Variants in CNTN1 observed in about 807,000 individuals in gnomAD.
The protein encoded by CNTN1 is contactin 1.
CNTN1 carries 38 observed loss-of-function variants against 126.4 expected under a neutral mutation model. The observed-to-expected ratio is 0.30, with a 90% CI of 0.23 to 0.39. The LOEUF is 0.39. Among genes scored for constraint, CNTN1 ranks in the 10% least tolerant of loss-of-function variants. The pLI is 1.00. For synonymous variants in CNTN1, 413 were observed against 422.6 expected (o/e 0.98, Z 0.28); for missense variants, 1,009 against 1,248.4 (o/e 0.81, Z 2.89).
intron 6 of CNTN1, among the ~76,000 whole-genome samples, chr12:40,929,310 C>A (rs1945799687): frequency 6.6e-6 from 1 of 150,784 alleles, no homozygotes; most frequent in Non-Finnish European, 1.5e-5. Context: ...GTTATGTAAG[C>A]TCATTTCTAA....
chr12:40,914,484 C>T (rs566117164), intron 3 of CNTN1, among the ~76,000 whole-genome samples: 43 of 152,016 alleles, frequency 2.8e-4, no homozygotes, highest in Admixed American at 5.9e-4. Flanking sequence ...ATTTCTAAAC[C>T]GTCAAACAAA....
intron 1 of CNTN1, among the ~76,000 whole-genome samples, chr12:40,904,394 CTTCT>C (rs200252822): frequency 2.7e-5 from 4 of 148,362 alleles, no homozygotes; most frequent in African/African-American, 9.9e-5. Flanking sequence ...TCCTTCCTTC[CTTCT>C]TCCCTCCCTC....
At chr12:40,786,436 C>T (rs1378633324) in intron 1 of CNTN1, among the ~76,000 whole-genome samples, 1 of 152,126 alleles carries the variant, frequency 6.6e-6, no homozygotes, top group Non-Finnish European at 1.5e-5. Flanking sequence ...TGTCACAGGG[C>T]TTTACTTCAT....
chr12:40,809,472 C>T (rs73116746), intron 1 of CNTN1, among the ~76,000 whole-genome samples: 3,467 of 152,132 alleles, frequency 0.023, 127 homozygotes, highest in African/African-American at 0.078. Flanking sequence ...TTAAATGAAT[C>T]AACAAATTTT....
At chr12:40,798,520 G>T (rs1304368322) in intron 1 of CNTN1, among the ~76,000 whole-genome samples, 1 of 151,774 alleles carries the variant, frequency 6.6e-6, no homozygotes, top group Non-Finnish European at 1.5e-5. Context: ...GATTACGAAG[G>T]CCCAAGGTAT....
chr12:40,808,364 G>A (rs1000128720), intron 1 of CNTN1, among the ~76,000 whole-genome samples: 1 of 152,010 alleles, frequency 6.6e-6, no homozygotes, highest in Admixed American at 6.6e-5. Flanking sequence ...GCTGATTTTG[G>A]TCATATAAAT....
At chr12:41,019,448 G>T (rs1041866885) in intron 19 of CNTN1, among the ~76,000 whole-genome samples, 3 of 152,160 alleles carry the variant, frequency 2.0e-5, no homozygotes, top group Admixed American at 2.0e-4. Context: ...TTCCACTGCT[G>T]AGAAATCAAT....
At chr12:40,749,824 C>T (rs888847510) in intron 1 of CNTN1, among the ~76,000 whole-genome samples, 5 of 151,794 alleles carry the variant, frequency 3.3e-5, no homozygotes, top group Non-Finnish European at 5.9e-5. Flanking sequence ...TTCAGTGAAG[C>T]GGTGTGAGGG....
At chr12:40,984,899 T>A (rs1947914593) in intron 16 of CNTN1, among the ~76,000 whole-genome samples, 1 of 152,104 alleles carries the variant, frequency 6.6e-6, no homozygotes, top group East Asian at 1.9e-4. Flanking sequence ...TTTTCTACAA[T>A]TACTTTTAAA....
At chr12:40,775,785 A>G (rs1031917165) in intron 1 of CNTN1, among the ~76,000 whole-genome samples, 1 of 151,614 alleles carries the variant, frequency 6.6e-6, no homozygotes, top group Non-Finnish European at 1.5e-5. Flanking sequence ...TTAGACACAA[A>G]TAACTAAGAC....
intron 23 of CNTN1, among the ~76,000 whole-genome samples, chr12:41,060,568 C>T (rs1949919051): frequency 6.6e-6 from 1 of 152,176 alleles, no homozygotes; most frequent in Non-Finnish European, 1.5e-5. Context: ...AGAAAAGTTA[C>T]TCCTGGTGAT....
intron 1 of CNTN1, among the ~76,000 whole-genome samples, chr12:40,793,412 A>C (rs1940293229): frequency 6.6e-6 from 1 of 151,398 alleles, no homozygotes. Flanking sequence ...AGAACCTATG[A>C]GAGTTAGGGA....
intron 1 of CNTN1, among the ~76,000 whole-genome samples, chr12:40,863,882 G>C (rs1480479152): frequency 6.6e-6 from 1 of 151,172 alleles, no homozygotes; most frequent in African/African-American, 2.5e-5. Flanking sequence ...ACAACAAAGG[G>C]CTGGAGGATT....
chr12:40,971,130 T>C (rs1208549319), intron 15 of CNTN1, among the ~76,000 whole-genome samples: 1 of 152,208 alleles, frequency 6.6e-6, no homozygotes, highest in East Asian at 1.9e-4. Context: ...GAATGAAATT[T>C]ACAAAGGATC....
chr12:41,031,880 A>T (rs1949151963), intron 23 of CNTN1, among the ~76,000 whole-genome samples: 1 of 152,324 alleles, frequency 6.6e-6, no homozygotes, highest in Admixed American at 6.5e-5. Context: ...AATTATTTTA[A>T]TGAGGCAAAT....
chr12:41,025,773 T>C (rs1949025057), intron 21 of CNTN1, among the ~76,000 whole-genome samples: 1 of 152,212 alleles, frequency 6.6e-6, no homozygotes, highest in African/African-American at 2.4e-5. Context: ...GCTTACTCTC[T>C]TATTACTGTA....
In CNTN1 at chr12:40,943,707, G is replaced by A; in HGVS notation, c.1490G>A (p.Gly497Glu). Residue 497 changes from glycine (G) to glutamate (E), a missense_variant, in exon 13 of 24, where the codon GGA (glycine) becomes GAA (glutamate). Physicochemically the swap from Gly to Glu is moderately conservative, Grantham distance 98. Coordinates refer to ENST00000551295, the MANE Select transcript of CNTN1 (RefSeq NM_001843.4). ...ENNRGKANST[G>E]TLVITDPTRI... ...AACAGAGGGAAAGCTAATAGCACTG[G>A]AACCCTTGTTATCACAGGTAAGTTA... 3 of 1,612,736 alleles carry A rather than the reference G, an allele frequency of 1.9e-6. No homozygotes were observed. The highest frequency in any genetic ancestry group is 2.5e-6 in the Non-Finnish European group (3 of 1,179,166).
At chr12:40,872,855 C>T (rs2136675133) in intron 1 of CNTN1, among the ~76,000 whole-genome samples, 1 of 152,134 alleles carries the variant, frequency 6.6e-6, no homozygotes, top group East Asian at 1.9e-4. Flanking sequence ...CCACCGTGTC[C>T]AGCTGTACTA....
At chr12:40,933,604 C>A in intron 8 of CNTN1, 44 bp downstream of exon 8, 1 of 1,520,850 alleles carries the variant, frequency 6.6e-7, no homozygotes. Context: ...GAAATAGTAC[C>A]ATTTTAGGAA....
Sources: allele counts gnomAD v4.1 joint callset (sites outside exome capture counted in the v4.1 genomes callset), GRCh38; gene constraint gnomAD v4.1.1; transcripts MANE v1.5; gene names NCBI Gene and HGNC (gene_info 2026-07-23, HGNC 2026-07-21).